The following OPA3 variants were observed in gnomAD, a reference collection of about 807,000 sequenced individuals.
OPA3 encodes the protein optic atrophy 3 protein.
A neutral mutation model predicts 4.0 loss-of-function variants in OPA3; 6 were observed. The ratio of observed to expected loss-of-function variants is 1.51; its 90% confidence interval spans 0.83 to 2.99. The LOEUF (loss-of-function observed/expected upper bound fraction) is 2.99. Ranked by LOEUF, OPA3 falls within the 30% of genes most tolerant of loss-of-function variation. The probability of loss-of-function intolerance (pLI) is 0.00; values close to 1 mark genes in which losing one functional copy is unlikely to be tolerated. For missense variants in OPA3, 235 were observed against 256.2 expected (o/e 0.92, Z 0.56); for synonymous variants, 105 against 117.1 (o/e 0.90, Z 0.67).
chr19:45,560,907 G>A (rs1599974394), intron 1 of OPA3, among the ~76,000 whole-genome samples: 1 of 152,314 alleles, frequency 6.6e-6, no homozygotes, highest in South Asian at 2.1e-4. Context: ...CTTGGCCACA[G>A]TTAACTATTG....
chr19:45,574,336 G>T (rs1377576894), intron 1 of OPA3, among the ~76,000 whole-genome samples: 5 of 146,258 alleles, frequency 3.4e-5, no homozygotes, highest in Admixed American at 1.4e-4. Flanking sequence ...GGCGGAGCTT[G>T]CAATGAGCCA....
intron 1 of OPA3, among the ~76,000 whole-genome samples, chr19:45,581,054 C>A (rs1038615373): frequency 6.6e-6 from 1 of 152,224 alleles, no homozygotes; most frequent in African/African-American, 2.4e-5. Flanking sequence ...ATGACCTGAG[C>A]AATTAACTGC....
chr19:45,532,290 T>C (rs1450108869), intron 1 of OPA3, among the ~76,000 whole-genome samples: 9 of 152,200 alleles, frequency 5.9e-5, no homozygotes, highest in Admixed American at 5.9e-4. Context: ...CCTGGACCCA[T>C]GGACCTCTTC....
Position 45,553,235 on chromosome 19 carries a change from GT to G in OPA3, c.*278del. The G allele has an allele frequency of 1.4e-6, 2 of 1,403,766 alleles. No homozygotes were observed. Among genetic ancestry groups the G allele is most frequent in the Non-Finnish European group, 1.9e-6 (2 of 1,080,758 alleles). The allele number at this position is 1,403,766 out of a possible 1,614,324, so 87.0% of individuals were successfully genotyped here. A position where few individuals can be genotyped will look rare whatever the true frequency, so the allele number is the denominator to read the frequency against. ...AGGTTCCATTTTTTCATTTGCCAGA[GT>G]GCCCACGGTGTCCTGCTGGCTGGGA... On this transcript the variant is annotated 3_prime_UTR_variant, in exon 2 of 2. Coordinates refer to ENST00000263275, the MANE Select transcript of OPA3 (RefSeq NM_025136.4).
At chr19:45,529,007 T>C (rs1430450032) in exon 2 of OPA3, 4 of 1,564,936 alleles carry the variant, frequency 2.6e-6, no homozygotes, top group Non-Finnish European at 2.6e-6. Flanking sequence ...AGACAGAGAC[T>C]TCGCAGTCCA....
intron 1 of OPA3, among the ~76,000 whole-genome samples, chr19:45,581,561 G>A (rs944017311): frequency 6.6e-6 from 1 of 152,208 alleles, no homozygotes; most frequent in East Asian, 1.9e-4. Context: ...TGAGGGCACA[G>A]ATTGGTGCTG....
At chr19:45,540,043 G>T (rs1452954831) in intron 1 of OPA3, among the ~76,000 whole-genome samples, 1 of 152,066 alleles carries the variant, frequency 6.6e-6, no homozygotes, top group African/African-American at 2.4e-5. Context: ...TTTCGGCCAG[G>T]CGCAGTGGCT....
chr19:45,567,699 T>C (rs1040768436), intron 1 of OPA3, among the ~76,000 whole-genome samples: 1 of 152,138 alleles, frequency 6.6e-6, no homozygotes, highest in Non-Finnish European at 1.5e-5. Flanking sequence ...GTGCCAATAA[T>C]TAAACATAAG....
chr19:45,555,931 C>CTA lies in OPA3; in HGVS notation c.143-2022_143-2021dup, dbSNP rs574418783. Among the ~76,000 whole-genome samples the CTA allele has an allele frequency of 4.2e-3, 636 of 151,252 alleles. 2 individuals carry two copies. Among genetic ancestry groups the CTA allele is most frequent in the African/African-American group, 0.014 (565 of 41,250 alleles). ...GCAATCGTGAGCCACTATGCCTGGC[C>CTA]TATATATATATATCTTTAAACCAGA... On this transcript the variant is annotated intron_variant, in intron 1 of 1. Coordinates refer to ENST00000263275, the MANE Select transcript of OPA3 (RefSeq NM_025136.4).
At chr19:45,577,585 C>A (rs767621505) in intron 1 of OPA3, among the ~76,000 whole-genome samples, 15 of 152,202 alleles carry the variant, frequency 9.9e-5, no homozygotes, top group South Asian at 2.1e-4. Context: ...CACACCCAAT[C>A]CATGGGAAAT....
chr19:45,575,226 C>CCA (rs1386398033), intron 1 of OPA3, among the ~76,000 whole-genome samples: 1 of 151,974 alleles, frequency 6.6e-6, no homozygotes, highest in Non-Finnish European at 1.5e-5. Context: ...CCTCAGCCTC[C>CCA]TGAGAAGCTG....
At chr19:45,555,362 G>A (rs887582202) in intron 1 of OPA3, among the ~76,000 whole-genome samples, 5 of 152,090 alleles carry the variant, frequency 3.3e-5, no homozygotes, top group African/African-American at 7.2e-5. Flanking sequence ...TCGAGACGGG[G>A]TCTTGCTTTG....
At chr19:45,577,634 T>A (rs1383157227) in intron 1 of OPA3, among the ~76,000 whole-genome samples, 2 of 152,158 alleles carry the variant, frequency 1.3e-5, no homozygotes, top group African/African-American at 4.8e-5. Context: ...TACTGGTTAT[T>A]CATTACTAAG....
intron 1 of OPA3, among the ~76,000 whole-genome samples, chr19:45,555,797 G>C (rs1969412678): frequency 6.6e-6 from 1 of 151,882 alleles, no homozygotes; most frequent in South Asian, 2.1e-4. Flanking sequence ...AGTCATTTTT[G>C]TATTTTTTTT....
chr19:45,542,764 C>A (rs1438430542), downstream of OPA3, among the ~76,000 whole-genome samples: 4 of 149,598 alleles, frequency 2.7e-5, no homozygotes, highest in African/African-American at 9.9e-5. Flanking sequence ...GCCTCCAACT[C>A]CCTGGTTCAA....
chr19:45,545,622 C>T (rs1182312663), downstream of OPA3, among the ~76,000 whole-genome samples: 1 of 152,032 alleles, frequency 6.6e-6, no homozygotes, highest in African/African-American at 2.4e-5. Context: ...AAATCTCTTC[C>T]CAGAGTAAAA....
At chr19:45,566,613 G>A (rs1969586479) in intron 1 of OPA3, among the ~76,000 whole-genome samples, 1 of 151,554 alleles carries the variant, frequency 6.6e-6, no homozygotes, top group African/African-American at 2.4e-5. Flanking sequence ...TGGGACTACA[G>A]GCACGTGCCA....
Position 45,529,080 on chromosome 19 carries a change from T to A in OPA3, c.519A>T (p.Pro173=), listed in dbSNP as rs368970746. The A allele has an allele frequency of 1.6e-4, 253 of 1,600,354 alleles. 1 individual carries two copies. The highest frequency in any genetic ancestry group is 2.1e-4 in the Non-Finnish European group (241 of 1,172,324). ...CCTATTTCTCGGACGCCGGCGCAAC[T>A]GGGGGTGCAGGCGGCGGGTCTCGGA... is the stretch of plus-strand genomic sequence containing the variant. The change falls in exon 2 of 2, where the codon CCA becomes CCT. Residue 173 remains proline, a synonymous_variant. Transcript: ENST00000323060.
intron 1 of OPA3, among the ~76,000 whole-genome samples, chr19:45,570,021 G>A (rs917382400): frequency 6.6e-6 from 1 of 152,180 alleles, no homozygotes; most frequent in African/African-American, 2.4e-5. Context: ...AGATACACCG[G>A]GGTCAATGAC....
Sources: allele counts gnomAD v4.1 joint callset (sites outside exome capture counted in the v4.1 genomes callset), GRCh38; gene constraint gnomAD v4.1.1; transcripts MANE v1.5; gene names NCBI Gene and HGNC (gene_info 2026-07-23, HGNC 2026-07-21).